ZNF653: variants seen among roughly 807,000 people sequenced by gnomAD.
The protein encoded by ZNF653 is zinc finger protein 653.
A neutral mutation model predicts 59.9 loss-of-function variants in ZNF653; 37 were observed. The observed-to-expected ratio is 0.62, with a 90% confidence interval of 0.48 to 0.81. ZNF653 has a LOEUF of 0.81. Among genes scored for constraint, ZNF653 ranks in the 40% least tolerant of loss-of-function variants. The pLI, the probability that ZNF653 is intolerant of heterozygous loss-of-function variation, is 0.00. For missense variants in ZNF653, 808 were observed against 881.1 expected (o/e 0.92, Z 1.05); for synonymous variants, 435 against 371.8 (o/e 1.17, Z -1.96).
At chr19:11,503,032 T>G (rs1294749630) in intron 1 of ZNF653, among the ~76,000 whole-genome samples, 1 of 136,638 alleles carries the variant, frequency 7.3e-6, no homozygotes, top group Admixed American at 7.4e-5. Flanking sequence ...AGACTCCATC[T>G]CAAAAAAAAA....
At chr19:11,492,789 T>A (rs1971542670) in intron 3 of ZNF653, among the ~76,000 whole-genome samples, 1 of 152,006 alleles carries the variant, frequency 6.6e-6, no homozygotes, top group Non-Finnish European at 1.5e-5. Context: ...TTCCAATAAA[T>A]GAATCAATCT....
chr19:11,492,600 T>TC (rs1971540390), intron 3 of ZNF653, among the ~76,000 whole-genome samples: 2 of 151,996 alleles, frequency 1.3e-5, no homozygotes, highest in Admixed American at 1.3e-4. Flanking sequence ...TAACTTGGCT[T>TC]CCCAAAGCAC....
At chr19:11,496,669 A>T (rs1293888400) in intron 2 of ZNF653, among the ~76,000 whole-genome samples, 1 of 152,170 alleles carries the variant, frequency 6.6e-6, no homozygotes, top group Non-Finnish European at 1.5e-5. Flanking sequence ...GGAGTTTGAA[A>T]CCAGCCTGGC....
chr19:11,498,278 G>C lies in ZNF653; in HGVS notation c.343+18C>G. ...CTCCCAACTCTCCCCACCTCCCCCAGGCTGAGCCTCCACTTACTTTTCTTC... is the reference window on the plus strand; with the variant it reads ...CTCCCAACTCTCCCCACCTCCCCCACGCTGAGCCTCCACTTACTTTTCTTC... On this transcript the variant is annotated intron_variant, in intron 2 of 8. Coordinates refer to ENST00000293771, the MANE Select transcript of ZNF653 (RefSeq NM_138783.4). The C allele has an allele frequency of 6.2e-7, 1 of 1,613,894 alleles. No individual in the cohort carries two copies. Among genetic ancestry groups the C allele is most frequent in the African/African-American group, 1.3e-5 (1 of 75,042 alleles).
Position 11,499,014 on chromosome 19 carries a change from C to T in ZNF653, c.300-675G>A, listed in dbSNP as rs560289008. ...TGTTGGGATTACAGGCGTGAGCCACCGTGCCCAGCCTAGAATCTGAACTTC... is the reference window on the plus strand; with the variant it reads ...TGTTGGGATTACAGGCGTGAGCCACTGTGCCCAGCCTAGAATCTGAACTTC... On this transcript the variant is annotated intron_variant, in intron 1 of 8. Transcript: ENST00000293771. Among the ~76,000 whole-genome samples, 6 of 152,316 alleles carry T rather than the reference C, an allele frequency of 3.9e-5. No homozygotes were observed. The East Asian group carries it at 5.8e-4, about 15-fold the overall frequency.
At position 11,496,144 on chromosome 19, in the gene ZNF653, C is replaced by T. The variant is rs1276852876; in HGVS notation, c.365G>A (p.Cys122Tyr). The change falls in exon 3 of 9, where the codon TGC becomes TAC. Residue 122 changes from cysteine (C) to tyrosine (Y), a missense_variant. Cys to Tyr is a radical substitution (Grantham distance 194). Transcript: ENST00000293771. ...RKKRRRRNVN[C>Y]LKNVVIWYED... is the part of the protein sequence containing the mutation. ...GTACCAGATCACCACGTTCTTCAGG[C>T]AGTTCACGTTGCGTCGCCGCCCTAT... 2 of 1,613,910 alleles carry T rather than the reference C, an allele frequency of 1.2e-6. No individual in the cohort carries two copies. Among genetic ancestry groups the T allele is most frequent in the Non-Finnish European group, 8.5e-7 (1 of 1,180,008 alleles).
intron 3 of ZNF653, among the ~76,000 whole-genome samples, chr19:11,493,037 C>T (rs1289779146): frequency 6.6e-6 from 1 of 151,148 alleles, no homozygotes; most frequent in Non-Finnish European, 1.5e-5. Context: ...CAGGTGTGAG[C>T]CACTGTACCC....
Position 11,505,730 on chromosome 19 carries a change from G to A in ZNF653, c.57C>T (p.Gly19=), listed in dbSNP as rs1024892693. Residue 19 remains glycine (G), a synonymous_variant, in exon 1 of 9, where the codon GGC becomes GGT. Transcript: ENST00000293771. ...EAEAEAEAGA[G]GEAAAEEGAA... ...CGCCCTCCTCGGCTGCTGCCTCCCC[G>A]CCCGCGCCCGCCTCAGCCTCCGCCT... The A allele has an allele frequency of 7.1e-6, 10 of 1,406,294 alleles. No individual in the cohort carries two copies. The highest frequency in any genetic ancestry group is 3.1e-5 in the Admixed American group (1 of 32,262). The allele number at this position is 1,406,294 out of a possible 1,614,324, so 87.1% of individuals were successfully genotyped here. A position where few individuals can be genotyped will look rare whatever the true frequency, so the allele number is the denominator to read the frequency against.
intron 6 of ZNF653, 98 bp from the exon 7 acceptor site, chr19:11,485,868 G>A: frequency 2.2e-6 from 2 of 907,800 alleles, no homozygotes; most frequent in Non-Finnish European, 1.8e-6. Flanking sequence ...GGCTGGGGCT[G>A]GCCTCCCCAG....
chr19:11,489,894 A>T (rs897210843), intron 3 of ZNF653, among the ~76,000 whole-genome samples: 1 of 152,150 alleles, frequency 6.6e-6, no homozygotes, highest in Non-Finnish European at 1.5e-5. Flanking sequence ...GCCTCTCCTC[A>T]GCGCTCACCT....
chr19:11,493,986 T>A (rs1192307452), intron 3 of ZNF653, among the ~76,000 whole-genome samples: 1 of 151,556 alleles, frequency 6.6e-6, no homozygotes, highest in Non-Finnish European at 1.5e-5. Context: ...ACCACTGCAC[T>A]CCAGCCTGGG....
intron 3 of ZNF653, among the ~76,000 whole-genome samples, chr19:11,491,431 G>A (rs1971528570): frequency 6.6e-6 from 1 of 152,128 alleles, no homozygotes; most frequent in African/African-American, 2.4e-5. Context: ...CTTTGTATGT[G>A]GGAAACAAAC....
rs199608857 is a variant in ZNF653, at chr19:11,486,721, C to G, written c.1455+48G>C. On this transcript the variant is annotated intron_variant, in intron 6 of 8. Transcript: ENST00000293771. ...GTAGGACATCCTGGTGGTGCCATGG[C>G]CTGGGCCTTGTGGGCCTGGCCCAGG... The G allele has an allele frequency of 3.1e-5, 47 of 1,492,188 alleles. No homozygotes were observed. In the East Asian group the frequency reaches 1.0e-3, roughly 32 times the overall value. 92.4% of individuals were successfully genotyped at this position (1,492,188 alleles called of 1,614,324 possible). A position where few individuals can be genotyped will look rare whatever the true frequency, so the allele number is the denominator to read the frequency against.
Position 11,487,000 on chromosome 19 carries a change from T to C in ZNF653, c.1330A>G (p.Lys444Glu). Residue 444 changes from lysine to glutamate, a missense_variant, in exon 5 of 9, where the codon AAG becomes GAG. Coordinates refer to ENST00000293771, the MANE Select transcript of ZNF653 (RefSeq NM_138783.4). ...CCCGGCACCCACTTCTCAGGCTCCT[T>C]GGGGATTTCATAGATGATGGCTGAC... Reference protein sequence around the residue: ...DMSAIIYEIPKEPEKRRRSKR... With the variant: ...DMSAIIYEIPEEPEKRRRSKR... 1 of 1,613,960 alleles carries C rather than the reference T, an allele frequency of 6.2e-7. No individual in the cohort carries two copies. The highest frequency in any genetic ancestry group is 8.5e-7 in the Non-Finnish European group (1 of 1,179,916).
At chr19:11,497,667 G>C (rs1043538978) in intron 2 of ZNF653, among the ~76,000 whole-genome samples, 2 of 152,320 alleles carry the variant, frequency 1.3e-5, no homozygotes, top group African/African-American at 4.8e-5. Context: ...TGTGGGCCGG[G>C]AGATGAAGAG....
At chr19:11,493,239 G>A (rs1468410696) in intron 3 of ZNF653, among the ~76,000 whole-genome samples, 2 of 151,320 alleles carry the variant, frequency 1.3e-5, no homozygotes, top group Non-Finnish European at 2.9e-5. Context: ...TGTATTTTTA[G>A]TAGAGATGGG....
chr19:11,505,641 A>T lies in ZNF653; in HGVS notation c.146T>A (p.Leu49His). 1 of 1,498,828 alleles carries T rather than the reference A, an allele frequency of 6.7e-7. No homozygotes were observed. The highest frequency in any genetic ancestry group is 8.8e-7 in the Non-Finnish European group (1 of 1,131,270). 92.8% of individuals were successfully genotyped at this position (1,498,828 alleles called of 1,614,324 possible). The change falls in exon 1 of 9, where the codon CTC (leucine) becomes CAC (histidine). Residue 49 changes from leucine (L) to histidine (H), a missense_variant. Leu to His is a moderately conservative substitution (Grantham distance 99, BLOSUM62 -3). Transcript: ENST00000293771. ...LTESDRARRR[L>H]ESRKKYDVRR... ...CACGTCGTACTTCTTCCGGGACTCG[A>T]GCCGTCGCCGGGCCCGGTCCGACTC...
At chr19:11,486,954 C>T (rs1347338182) in intron 5 of ZNF653, 33 bp downstream of exon 5, 7 of 1,611,820 alleles carry the variant, frequency 4.3e-6, no homozygotes, top group Non-Finnish European at 5.1e-6. Context: ...GCTTCTAGCC[C>T]TCGCCCTCAC....
intron 1 of ZNF653, chr19:11,505,271 G>C (rs1014543917): frequency 6.2e-6 from 3 of 483,254 alleles, no homozygotes; most frequent in African/African-American, 6.1e-5. Context: ...CGAGGGGCTG[G>C]GTGCACCCTA....
Sources: gnomAD v4.1 joint callset for allele counts (sites outside exome capture counted in the v4.1 genomes callset) on GRCh38, gnomAD v4.1.1 for gene constraint, MANE v1.5 for transcripts, NCBI Gene and HGNC (gene_info 2026-07-23, HGNC 2026-07-21) for gene names.